Variants in RPS6KA2 observed in about 807,000 individuals in gnomAD.
RPS6KA2 encodes ribosomal protein S6 kinase A2, also known as ribosomal protein S6 kinase alpha-2.
Under a neutral mutation model 91.8 loss-of-function variants are expected in RPS6KA2, and 42 were observed. The observed-to-expected ratio is 0.46, with a 90% CI of 0.36 to 0.59. The LOEUF is 0.59. Ranked by LOEUF, RPS6KA2 falls within the 20% of genes least tolerant of loss-of-function variation. The pLI is 0.00. For missense variants in RPS6KA2, 798 were observed against 978.5 expected (o/e 0.82, Z 2.46); for synonymous variants, 414 against 393.6 (o/e 1.05, Z -0.61).
At chr6:166,546,225 T>C (rs1343951278) in intron 1 of RPS6KA2, among the ~76,000 whole-genome samples, 1 of 152,160 alleles carries the variant, frequency 6.6e-6, no homozygotes, top group Non-Finnish European at 1.5e-5. Flanking sequence ...CCGAGAAGCC[T>C]CACACTCGGG....
At chr6:166,627,273 C>G (rs1279557009), upstream of RPS6KA2, 5 of 994,684 alleles carry the variant, frequency 5.0e-6, no homozygotes, top group Non-Finnish European at 1.2e-6. Context: ...CCACGCGCCA[C>G]GCCTACACCA....
intron 2 of RPS6KA2, among the ~76,000 whole-genome samples, chr6:166,745,568 G>A (rs1790978239): frequency 6.6e-6 from 1 of 152,156 alleles, no homozygotes; most frequent in African/African-American, 2.4e-5. Context: ...CCCATTCTGG[G>A]GTCCTGGGCT....
At chr6:166,601,853 C>G (rs1322782797) in intron 1 of RPS6KA2, among the ~76,000 whole-genome samples, 1 of 152,084 alleles carries the variant, frequency 6.6e-6, no homozygotes. Flanking sequence ...AATTAAGACA[C>G]AGAAAGCATA....
intron 2 of RPS6KA2, among the ~76,000 whole-genome samples, chr6:166,857,920 A>G (rs9356530): frequency 0.77 from 117,315 of 152,174 alleles, 49,600 homozygotes; most frequent in Non-Finnish European, 0.93. Flanking sequence ...CATGACCCTC[A>G]CAAGTGCCCA....
At chr6:166,674,339 G>GA (rs1185074260) in intron 2 of RPS6KA2, among the ~76,000 whole-genome samples, 1 of 152,184 alleles carries the variant, frequency 6.6e-6, no homozygotes. Flanking sequence ...GCTGCTGCCT[G>GA]GCTGAGGGGG....
chr6:166,845,343 A>G (rs1780579602), intron 2 of RPS6KA2, among the ~76,000 whole-genome samples: 1 of 152,188 alleles, frequency 6.6e-6, no homozygotes, highest in Non-Finnish European at 1.5e-5. Context: ...GACTTAAACT[A>G]TACCCTACAA....
Position 166,445,758 on chromosome 6 carries a change from G to A in RPS6KA2, c.1332+2966C>T, listed in dbSNP as rs1417882567. 2.0e-5 allele frequency among the ~76,000 whole-genome samples: 3 copies of A among 152,208 alleles called. No individual in the cohort carries two copies. The highest frequency in any genetic ancestry group is 4.4e-5 in the Non-Finnish European group (3 of 68,042). ...GTCTGGCTGTGACGGGACTGCTTCT[G>A]AAGCAGACCCCGTTTGTATCCATGA... is the stretch of plus-strand genomic sequence containing the variant. On this transcript the variant is annotated intron_variant, in intron 14 of 20. Transcript: ENST00000265678. The surrounding 1 kb of genome is among the most constrained non-coding windows in gnomAD (Gnocchi z 4.5).
Position 166,458,117 on chromosome 6 carries a change from C to T in RPS6KA2, c.1075+1332G>A, listed in dbSNP as rs1332830265. 1.3e-5 allele frequency among the ~76,000 whole-genome samples: 2 copies of T among 152,186 alleles called. 1 individual carries two copies. Among genetic ancestry groups the T allele is most frequent in the Non-Finnish European group, 2.9e-5 (2 of 68,026 alleles). On this transcript the variant is annotated intron_variant, in intron 12 of 20. Coordinates refer to ENST00000265678, the MANE Select transcript of RPS6KA2 (RefSeq NM_021135.6). ...GTTAAGGCCCTACCCCCAAGTGTAACTGTATTTGGAGACAGGGCCTTGATA... is the reference window on the plus strand; with the variant it reads ...GTTAAGGCCCTACCCCCAAGTGTAATTGTATTTGGAGACAGGGCCTTGATA...
At chr6:166,847,908 G>C (rs1780645743) in intron 2 of RPS6KA2, among the ~76,000 whole-genome samples, 1 of 140,600 alleles carries the variant, frequency 7.1e-6, no homozygotes, top group African/African-American at 2.5e-5. Flanking sequence ...AAGATAAATA[G>C]ATGGGACTTA....
At chr6:166,504,857 A>T (rs184617755) in intron 5 of RPS6KA2, among the ~76,000 whole-genome samples, 1 of 152,148 alleles carries the variant, frequency 6.6e-6, no homozygotes, top group East Asian at 1.9e-4. Flanking sequence ...CCGCCTTGAG[A>T]GTGGGGTGCT....
intron 2 of RPS6KA2, among the ~76,000 whole-genome samples, chr6:166,721,983 G>A (rs1258740407): frequency 2.6e-5 from 4 of 152,198 alleles, no homozygotes; most frequent in Non-Finnish European, 5.9e-5. Flanking sequence ...CACACATATA[G>A]ACTCATTAAA....
chr6:166,819,164 T>G (rs6930099), intron 2 of RPS6KA2, among the ~76,000 whole-genome samples: 94,999 of 151,974 alleles, frequency 0.63, 31,122 homozygotes, highest in Non-Finnish European at 0.73. Context: ...ACCCCATTGC[T>G]ACTCATTCTT....
intron 13 of RPS6KA2, among the ~76,000 whole-genome samples, chr6:166,449,822 C>G (rs916164263): frequency 3.4e-5 from 5 of 147,456 alleles, no homozygotes; most frequent in African/African-American, 1.3e-4. Flanking sequence ...ATGGGAACCA[C>G]CACAGGGACC....
chr6:166,803,301 TGAC>T (rs1395000896), intron 2 of RPS6KA2, among the ~76,000 whole-genome samples: 1 of 152,212 alleles, frequency 6.6e-6, no homozygotes, highest in African/African-American at 2.4e-5. Context: ...ATGCAAAAAT[TGAC>T]GACTGTAAGT....
intron 2 of RPS6KA2, among the ~76,000 whole-genome samples, chr6:166,680,498 C>G (rs996618002): frequency 1.3e-5 from 2 of 152,178 alleles, no homozygotes; most frequent in South Asian, 2.1e-4. Flanking sequence ...GTAAATCTTG[C>G]TGGTGCCCAC....
intron 1 of RPS6KA2, among the ~76,000 whole-genome samples, chr6:166,568,891 A>C (rs1233604853): frequency 6.6e-6 from 1 of 152,218 alleles, no homozygotes; most frequent in Non-Finnish European, 1.5e-5. Context: ...GATATTTTAA[A>C]TCAGAAAATC....
intron 1 of RPS6KA2, among the ~76,000 whole-genome samples, chr6:166,584,782 AG>A (rs1398926060): frequency 6.6e-6 from 1 of 152,252 alleles, no homozygotes; most frequent in Non-Finnish European, 1.5e-5. Context: ...GAGCTCAGAA[AG>A]CGTTCCAATA....
rs1235449308 is a variant in RPS6KA2, at chr6:166,793,776, G to A, written c.123+64424C>T. The stretch of plus-strand genomic sequence containing the variant: ...GGAAAGGATTCCCTATTTAATAAAT[G>A]CTGCTGGGAAAACTGGCTAGCCATA... On this transcript the variant is annotated intron_variant, in intron 2 of 21. Coordinates refer to the RPS6KA2 transcript ENST00000503859. 2.6e-5 allele frequency among the ~76,000 whole-genome samples: 4 copies of A among 152,262 alleles called. No individual in the cohort carries two copies. In the East Asian group the frequency reaches 7.7e-4, roughly 29 times the overall value.
At chr6:166,622,733 G>A (rs1786688797) in intron 1 of RPS6KA2, among the ~76,000 whole-genome samples, 1 of 152,136 alleles carries the variant, frequency 6.6e-6, no homozygotes, top group Non-Finnish European at 1.5e-5. Context: ...GTCTTTATAT[G>A]TACAGATAGA....
Sources: allele counts gnomAD v4.1 joint callset (sites outside exome capture counted in the v4.1 genomes callset), GRCh38; gene constraint gnomAD v4.1.1; non-coding constraint Gnocchi (gnomAD v3.1); transcripts MANE v1.5; gene names NCBI Gene and HGNC (gene_info 2026-07-23, HGNC 2026-07-21).